Variants in DYNC1LI1 observed in about 807,000 individuals in gnomAD.
The protein encoded by DYNC1LI1 is cytoplasmic dynein 1 light intermediate chain 1.
Under a neutral mutation model 63.8 loss-of-function variants are expected in DYNC1LI1, and 19 were observed. The observed-to-expected ratio is 0.30, with a 90% CI of 0.21 to 0.44. The LOEUF is 0.44. DYNC1LI1 is among the 20% of genes least tolerant of loss of function. DYNC1LI1 has a pLI of 1.00. For synonymous variants in DYNC1LI1, 225 were observed against 232.3 expected, an observed-to-expected ratio of 0.97 and a Z score of 0.28; for missense variants, 565 against 630.2, an observed-to-expected ratio of 0.90 and a Z score of 1.11.
chr3:32,562,871 G>C (rs955746270), intron 2 of DYNC1LI1, among the ~76,000 whole-genome samples: 1 of 152,068 alleles, frequency 6.6e-6, no homozygotes, highest in African/African-American at 2.4e-5. Context: ...TGTGGCTTTC[G>C]TCAGGACTCC....
chr3:32,566,354 G>A (rs1444406690), intron 2 of DYNC1LI1, among the ~76,000 whole-genome samples: 1 of 152,190 alleles, frequency 6.6e-6, no homozygotes, highest in Admixed American at 6.5e-5. Context: ...GTACCTGTAA[G>A]TGCTCTATGT....
chr3:32,537,985 A>AT (rs1265563804), intron 5 of DYNC1LI1, among the ~76,000 whole-genome samples: 821 of 33,522 alleles, frequency 0.024, 173 homozygotes, highest in Non-Finnish European at 0.033. Context: ...TATATATAAT[A>AT]TATATATATA....
At chr3:32,552,763 G>T in intron 2 of DYNC1LI1, among the ~76,000 whole-genome samples, 1 of 152,006 alleles carries the variant, frequency 6.6e-6, no homozygotes, top group Non-Finnish European at 1.5e-5. Context: ...TGGAGTGCAG[G>T]GGTGCGATCT....
chr3:32,570,340 A>C lies in DYNC1LI1; in HGVS notation c.220+6T>G. On this transcript the variant is annotated splice_donor_region_variant and intron_variant, in intron 2 of 12. Coordinates refer to ENST00000273130, the MANE Select transcript of DYNC1LI1 (RefSeq NM_016141.4). ...GGCGGGGCGGGGCGAGGCAGGGAAC[A>C]CTTACCCAGCAGTAGCACGTTCTTC... 6.3e-7 allele frequency: 1 copy of C among 1,595,000 alleles called. No individual in the cohort carries two copies. The highest frequency in any genetic ancestry group is 8.5e-7 in the Non-Finnish European group (1 of 1,170,570).
At position 32,561,500 on chromosome 3, in the gene DYNC1LI1, A is replaced by G. The variant is rs532400824; in HGVS notation, c.220+8846T>C. ...AAAAATTAGCCAGGCGTGGTGGCAC[A>G]CGCCGGTGGTCCCAGCTACTCAGGA... On this transcript the variant is annotated intron_variant, in intron 2 of 12. Transcript: ENST00000273130. 2.0e-5 allele frequency among the ~76,000 whole-genome samples: 3 copies of G among 152,118 alleles called. No individual in the cohort carries two copies. The South Asian group carries it at 6.2e-4, about 32-fold the overall frequency.
At chr3:32,532,004 T>C (rs1241508046) in intron 8 of DYNC1LI1, 1 of 152,166 alleles carries the variant, frequency 6.6e-6, no homozygotes, top group Non-Finnish European at 1.5e-5. Flanking sequence ...TTTGAGCATT[T>C]TGGATTTTCA....
chr3:32,542,609 T>C (rs1697897452), intron 4 of DYNC1LI1, among the ~76,000 whole-genome samples: 1 of 152,168 alleles, frequency 6.6e-6, no homozygotes, highest in Non-Finnish European at 1.5e-5. Flanking sequence ...GGTTTCATCA[T>C]ATCGGCCAGG....
chr3:32,551,024 A>G (rs1009857166), intron 2 of DYNC1LI1, among the ~76,000 whole-genome samples: 2 of 152,170 alleles, frequency 1.3e-5, no homozygotes, highest in South Asian at 2.1e-4. Context: ...AAAGAAAACC[A>G]CTGCATTAAA....
At position 32,546,909 on chromosome 3, in the gene DYNC1LI1, T is replaced by G. The variant is rs139178519; in HGVS notation, c.221-944A>C. 5.4e-3 allele frequency among the ~76,000 whole-genome samples: 815 copies of G among 152,162 alleles called. 11 individuals are homozygous for G. The highest frequency in any genetic ancestry group is 0.019 in the African/African-American group (769 of 41,488). The stretch of plus-strand genomic sequence containing the variant: ...AAAGTATTAATGACAGAAAATCACG[T>G]GATTTAAATTTGACACAAGTATTTT... On this transcript the variant is annotated intron_variant, in intron 2 of 12. Coordinates refer to ENST00000273130, the MANE Select transcript of DYNC1LI1 (RefSeq NM_016141.4).
chr3:32,551,703 T>C (rs936330002), intron 2 of DYNC1LI1, among the ~76,000 whole-genome samples: 4 of 151,982 alleles, frequency 2.6e-5, no homozygotes, highest in African/African-American at 4.8e-5. Flanking sequence ...TGGTTGGGAG[T>C]TGGCAGAGAG....
chr3:32,546,173 C>T (rs1239521882), intron 2 of DYNC1LI1, among the ~76,000 whole-genome samples: 1 of 151,946 alleles, frequency 6.6e-6, no homozygotes, highest in Non-Finnish European at 1.5e-5. Flanking sequence ...TTTGGGAGGC[C>T]GAGGCAGGCA....
chr3:32,558,352 T>C (rs763876146), intron 2 of DYNC1LI1, among the ~76,000 whole-genome samples: 1 of 146,116 alleles, frequency 6.8e-6, no homozygotes, highest in Non-Finnish European at 1.5e-5. Context: ...TCAGGCCACA[T>C]GGGTCTCTGT....
intron 5 of DYNC1LI1, among the ~76,000 whole-genome samples, chr3:32,537,927 AT>A (rs1361054137): frequency 0.23 from 7,589 of 33,108 alleles, 1,464 homozygotes; most frequent in Middle Eastern, 0.3. Flanking sequence ...TATATATATA[AT>A]ATATATATAA....
At chr3:32,528,112 CAAA>C (rs60912161) in intron 12 of DYNC1LI1, among the ~76,000 whole-genome samples, 56 of 29,872 alleles carry the variant, frequency 1.9e-3, no homozygotes, top group South Asian at 8.0e-3. Context: ...GACTCCATCT[CAAA>C]AAAAAAAAAA....
At chr3:32,556,202 G>GA (rs1356585864) in intron 2 of DYNC1LI1, among the ~76,000 whole-genome samples, 1 of 152,098 alleles carries the variant, frequency 6.6e-6, no homozygotes, top group Non-Finnish European at 1.5e-5. Context: ...CCCTCACCTG[G>GA]GAGAACGCTA....
chr3:32,559,247 T>TTG (rs148898957), intron 2 of DYNC1LI1, among the ~76,000 whole-genome samples: 3 of 151,758 alleles, frequency 2.0e-5, no homozygotes, highest in South Asian at 2.1e-4. Flanking sequence ...TATATAGTTT[T>TTG]TGTGTGTGTG....
intron 2 of DYNC1LI1, among the ~76,000 whole-genome samples, chr3:32,560,021 T>C (rs1297392867): frequency 6.6e-6 from 1 of 152,154 alleles, no homozygotes; most frequent in Non-Finnish European, 1.5e-5. Flanking sequence ...GGAGAGACTA[T>C]TAACAAAATG....
At chr3:32,536,082 C>T (rs1372404101) in intron 6 of DYNC1LI1, among the ~76,000 whole-genome samples, 1 of 151,994 alleles carries the variant, frequency 6.6e-6, no homozygotes, top group Non-Finnish European at 1.5e-5. Flanking sequence ...AAGAGAAAGG[C>T]CCATAAAGAG....
At chr3:32,534,063 G>C (rs1697741386) in intron 7 of DYNC1LI1, among the ~76,000 whole-genome samples, 1 of 151,576 alleles carries the variant, frequency 6.6e-6, no homozygotes, top group South Asian at 2.1e-4. Context: ...TTTTTCATTA[G>C]AGAGGGGGTT....
Sources: gnomAD v4.1 joint callset for allele counts (sites outside exome capture counted in the v4.1 genomes callset) on GRCh38, gnomAD v4.1.1 for gene constraint, MANE v1.5 for transcripts, NCBI Gene and HGNC (gene_info 2026-07-23, HGNC 2026-07-21) for gene names.